Variants in AGPAT3 observed in about 807,000 individuals in gnomAD.
The protein encoded by AGPAT3 is 1-acylglycerol-3-phosphate O-acyltransferase 3.
In AGPAT3, 5 loss-of-function variants were observed where a neutral mutation model predicts 47.3. That is an observed-to-expected ratio of 0.11 (90% CI 0.06 to 0.22). AGPAT3 has a LOEUF of 0.22. AGPAT3 is among the 10% of genes least tolerant of loss of function. AGPAT3 has a pLI of 1.00. For missense variants in AGPAT3, 315 were observed against 493.0 expected, an observed-to-expected ratio of 0.64 and a Z score of 3.42; for synonymous variants, 212 against 208.3, an observed-to-expected ratio of 1.02 and a Z score of -0.15.
chr21:43,977,599 T>C lies in AGPAT3; in HGVS notation c.768-447T>C, dbSNP rs553979468. ...TTTTTAGAAATTGAGAGTGAGAGGC[T>C]GGGCGCAGTGGCTCACGCCTGTAAT... On this transcript the variant is annotated intron_variant, in intron 7 of 9. Transcript: ENST00000291572. 5.9e-5 allele frequency among the ~76,000 whole-genome samples: 9 copies of C among 152,270 alleles called. No individual in the cohort carries two copies. The East Asian group carries it at 1.2e-3, about 20-fold the overall frequency.
Position 43,922,549 on chromosome 21 carries a change from G to C in AGPAT3, c.-49+18530G>C, listed in dbSNP as rs913822042. Among the ~76,000 whole-genome samples the C allele has an allele frequency of 3.0e-4, 46 of 152,328 alleles. No individual in the cohort carries two copies. Among genetic ancestry groups the C allele is most frequent in the African/African-American group, 1.1e-3 (46 of 41,576 alleles). The stretch of plus-strand genomic sequence containing the variant: ...AGTGTCCCTGTGTCCCTGGAAGAGA[G>C]GCCTGCATGGCAGGGGGCACAGAGA... On this transcript the variant is annotated intron_variant, in intron 2 of 9. Coordinates refer to ENST00000291572, the MANE Select transcript of AGPAT3 (RefSeq NM_020132.5). The surrounding 1 kb of genome is among the most constrained non-coding windows in gnomAD (Gnocchi z 4.9).
chr21:43,885,116 G>A (rs545008415), intron 1 of AGPAT3, among the ~76,000 whole-genome samples: 36 of 152,352 alleles, frequency 2.4e-4, no homozygotes, highest in African/African-American at 8.4e-4. Flanking sequence ...CTGGCCGGCC[G>A]TGCTCCCCTC....
intron 1 of AGPAT3, among the ~76,000 whole-genome samples, chr21:43,901,401 G>A (rs1163946216): frequency 6.6e-6 from 1 of 151,428 alleles, no homozygotes; most frequent in African/African-American, 2.4e-5. Context: ...TAGCAGGCAA[G>A]CATGTTAAGA....
At chr21:43,944,099 C>T (rs920900743) in intron 2 of AGPAT3, among the ~76,000 whole-genome samples, 2 of 152,240 alleles carry the variant, frequency 1.3e-5, no homozygotes, top group African/African-American at 2.4e-5. Flanking sequence ...ACCTCCCTCT[C>T]GGGCCAAGTA....
intron 2 of AGPAT3, among the ~76,000 whole-genome samples, chr21:43,957,787 GGGGGTCTCGGGTTTTCCCCTCCACACT>G (rs2088561383): frequency 2.7e-5 from 4 of 150,420 alleles, no homozygotes; most frequent in Middle Eastern, 3.5e-3. Context: ...CCCTGCACAT[GGGGGTCTCGGGTTTTCCCCTCCACACT>G]GGGGTCTCGG....
At chr21:43,895,650 C>T (rs1364501584) in intron 1 of AGPAT3, among the ~76,000 whole-genome samples, 1 of 151,754 alleles carries the variant, frequency 6.6e-6, no homozygotes, top group East Asian at 1.9e-4. Context: ...TGCAGTGGTG[C>T]GATCTTGGCT....
intron 1 of AGPAT3, among the ~76,000 whole-genome samples, chr21:43,873,418 C>T (rs2085665641): frequency 6.6e-6 from 1 of 152,162 alleles, no homozygotes; most frequent in Non-Finnish European, 1.5e-5. Flanking sequence ...CCTGAGGACT[C>T]CGGCTCTAGT....
chr21:43,974,062 GGTGT>G (rs1038879622), intron 7 of AGPAT3, among the ~76,000 whole-genome samples: 1 of 151,836 alleles, frequency 6.6e-6, no homozygotes, highest in Non-Finnish European at 1.5e-5. Flanking sequence ...GGCATGTGTG[GGTGT>G]GTGTGTGTTC....
intron 1 of AGPAT3, among the ~76,000 whole-genome samples, chr21:43,884,872 A>G (rs1047584740): frequency 6.6e-6 from 1 of 152,182 alleles, no homozygotes; most frequent in African/African-American, 2.4e-5. Flanking sequence ...TGCAAAGCAC[A>G]CGTTGGGCTG....
At chr21:43,903,206 G>C (rs1001908291) in intron 1 of AGPAT3, among the ~76,000 whole-genome samples, 6 of 152,202 alleles carry the variant, frequency 3.9e-5, no homozygotes, top group African/African-American at 1.4e-4. Context: ...CCCTAGAGTG[G>C]TTAACTCGTA....
At position 43,979,321 on chromosome 21, in the gene AGPAT3, GA is replaced by G. The variant is rs1177581024; in HGVS notation, c.843+1209del. Among the ~76,000 whole-genome samples, 684 of 120,106 alleles carry G rather than the reference GA, an allele frequency of 5.7e-3. 2 individuals are homozygous for G. Among genetic ancestry groups the G allele is most frequent in the Non-Finnish European group, 8.3e-3 (471 of 56,652 alleles). The allele number at this position is 120,106 out of a possible 152,430, so 78.8% of individuals were successfully genotyped here. ...CTCAAAAAAAAAAAAAAAAAAGAAA[GA>G]AAAAAAAAGAAAGAAAAAAAAAAAG... On this transcript the variant is annotated intron_variant, in intron 8 of 9. Coordinates refer to ENST00000291572, the MANE Select transcript of AGPAT3 (RefSeq NM_020132.5).
At chr21:43,964,068 G>A (rs2089009539) in intron 3 of AGPAT3, among the ~76,000 whole-genome samples, 1 of 151,996 alleles carries the variant, frequency 6.6e-6, no homozygotes, top group African/African-American at 2.4e-5. Context: ...GGAGATGGAT[G>A]AATCTAAACC....
chr21:43,939,822 T>C lies in AGPAT3; in HGVS notation c.-48-19812T>C, dbSNP rs1010743078. 1.3e-5 allele frequency among the ~76,000 whole-genome samples: 2 copies of C among 152,134 alleles called. No individual in the cohort carries two copies. The highest frequency in any genetic ancestry group is 4.8e-5 in the African/African-American group (2 of 41,416). ...GGTCCCTGGTCCTAGGGGTCTGTGC[T>C]GGGGTGGGGCTCGTTGACCTGCATC... is the stretch of plus-strand genomic sequence containing the variant. On this transcript the variant is annotated intron_variant, in intron 2 of 9. Coordinates refer to ENST00000291572, the MANE Select transcript of AGPAT3 (RefSeq NM_020132.5). This position sits in a 1 kb window ranked among gnomAD's most constrained non-coding sequence, Gnocchi z 4.4.
intron 2 of AGPAT3, among the ~76,000 whole-genome samples, chr21:43,956,466 C>G (rs1057482795): frequency 2.0e-5 from 3 of 152,190 alleles, no homozygotes; most frequent in African/African-American, 4.8e-5. Flanking sequence ...GTCTGGAATG[C>G]GTGAGAGGTG....
At chr21:43,951,515 T>C (rs2088190886) in intron 2 of AGPAT3, among the ~76,000 whole-genome samples, 1 of 152,158 alleles carries the variant, frequency 6.6e-6, no homozygotes, top group Non-Finnish European at 1.5e-5. Context: ...TAGTTGCCAG[T>C]GGTGACATCT....
intron 2 of AGPAT3, among the ~76,000 whole-genome samples, chr21:43,916,869 G>C (rs1035161251): frequency 2.0e-5 from 3 of 152,136 alleles, no homozygotes; most frequent in Non-Finnish European, 2.9e-5. Context: ...GTTTCACTTC[G>C]GTCGAGTTTT....
intron 1 of AGPAT3, among the ~76,000 whole-genome samples, chr21:43,877,496 A>T (rs2085759885): frequency 6.6e-6 from 1 of 151,948 alleles, no homozygotes; most frequent in South Asian, 2.1e-4. Flanking sequence ...AGTCTGGAGT[A>T]CAATGGTGCC....
At chr21:43,868,340 C>G (rs2085553508) in intron 1 of AGPAT3, among the ~76,000 whole-genome samples, 1 of 152,116 alleles carries the variant, frequency 6.6e-6, no homozygotes, top group Admixed American at 6.6e-5. Context: ...TTGAAAGCAA[C>G]ACAACTATCC....
chr21:43,915,984 C>T (rs573328740), intron 2 of AGPAT3, among the ~76,000 whole-genome samples: 27 of 152,114 alleles, frequency 1.8e-4, no homozygotes, highest in African/African-American at 5.5e-4. Flanking sequence ...TCTAAAAATT[C>T]TTCAGTTTTT....
Sources: gnomAD v4.1 joint callset for allele counts (sites outside exome capture counted in the v4.1 genomes callset) on GRCh38, gnomAD v4.1.1 for gene constraint, Gnocchi (gnomAD v3.1) non-coding constraint, MANE v1.5 for transcripts, NCBI Gene and HGNC (gene_info 2026-07-23, HGNC 2026-07-21) for gene names.